The following KCTD1 variants were observed in gnomAD, a reference collection of about 807,000 sequenced individuals.
KCTD1 encodes BTB/POZ domain-containing protein KCTD1.
In KCTD1, 24 loss-of-function variants were observed where a neutral mutation model predicts 66.0. That is an observed-to-expected ratio of 0.36 (90% CI 0.26 to 0.51). KCTD1 has a LOEUF of 0.51. Ranked by LOEUF, KCTD1 falls within the 20% of genes least tolerant of loss-of-function variation. KCTD1 has a pLI of 0.95. For missense variants in KCTD1, 943 were observed against 1,205.2 expected (o/e 0.78, Z 3.22); for synonymous variants, 511 against 517.2 (o/e 0.99, Z 0.16).
intron 1 of KCTD1, among the ~76,000 whole-genome samples, chr18:26,531,799 C>T (rs1984445625): frequency 6.6e-6 from 1 of 152,176 alleles, no homozygotes; most frequent in Non-Finnish European, 1.5e-5. Flanking sequence ...GATCAGGATA[C>T]GGTTTAGCTG....
At chr18:26,487,619 A>AAT (rs1288528270) in intron 2 of KCTD1, among the ~76,000 whole-genome samples, 1 of 152,214 alleles carries the variant, frequency 6.6e-6, no homozygotes, top group Non-Finnish European at 1.5e-5. Context: ...GTGGTTGGGA[A>AAT]ATACCCAAGA....
intron 1 of KCTD1, among the ~76,000 whole-genome samples, chr18:26,576,068 G>C (rs1986218694): frequency 6.6e-6 from 1 of 152,104 alleles, no homozygotes; most frequent in African/African-American, 2.4e-5. Flanking sequence ...AGATAGCATC[G>C]CCTCCAGGAA....
chr18:26,599,828 C>T (rs1436884662), intron 1 of KCTD1: 2 of 1,558,224 alleles, frequency 1.3e-6, no homozygotes, highest in Non-Finnish European at 1.8e-6. Flanking sequence ...GAAATACAGT[C>T]TGTTCGAGAA....
At chr18:26,548,954 G>T (rs1020249799), upstream of KCTD1, 2 of 986,178 alleles carry the variant, frequency 2.0e-6, no homozygotes, top group African/African-American at 1.7e-5. Flanking sequence ...AGGGCGGGAC[G>T]GTCTCGTTTC....
intron 2 of KCTD1, among the ~76,000 whole-genome samples, chr18:26,492,086 T>A (rs1323311848): frequency 6.6e-6 from 1 of 151,896 alleles, no homozygotes; most frequent in Non-Finnish European, 1.5e-5. Context: ...TACAAAAACA[T>A]AAAAAATTAG....
At chr18:26,568,773 A>G (rs1986039712) in intron 1 of KCTD1, among the ~76,000 whole-genome samples, 2 of 152,234 alleles carry the variant, frequency 1.3e-5, no homozygotes, top group African/African-American at 4.8e-5. Context: ...TTTGATACCC[A>G]GCTTTGTACA....
intron 1 of KCTD1, among the ~76,000 whole-genome samples, chr18:26,595,416 C>T (rs1986743436): frequency 6.6e-6 from 1 of 152,182 alleles, no homozygotes; most frequent in Non-Finnish European, 1.5e-5. Flanking sequence ...ATAAAGATCA[C>T]ATTTTCTAGT....
chr18:26,588,947 T>G (rs1001628556), intron 1 of KCTD1, among the ~76,000 whole-genome samples: 1 of 152,168 alleles, frequency 6.6e-6, no homozygotes. Context: ...TTGGCTTACT[T>G]AAGCATGAAC....
intron 1 of KCTD1, among the ~76,000 whole-genome samples, chr18:26,599,254 T>C: frequency 6.6e-6 from 1 of 152,224 alleles, no homozygotes; most frequent in East Asian, 1.9e-4. Flanking sequence ...CCAGCAAAAG[T>C]TGTTGAAAAG....
At chr18:26,625,803 T>C (rs1568013626) in intron 1 of KCTD1, among the ~76,000 whole-genome samples, 2 of 152,080 alleles carry the variant, frequency 1.3e-5, no homozygotes, top group Non-Finnish European at 2.9e-5. Flanking sequence ...GCCTCTCTGG[T>C]CCCCCTTCCT....
intron 1 of KCTD1, among the ~76,000 whole-genome samples, chr18:26,526,632 A>C (rs1156686964): frequency 6.6e-6 from 1 of 152,236 alleles, no homozygotes; most frequent in East Asian, 1.9e-4. Context: ...CCCAAGGCAC[A>C]CGGAAAGGGG....
intron 2 of KCTD1, among the ~76,000 whole-genome samples, chr18:26,498,596 G>A (rs1006194555): frequency 6.6e-6 from 1 of 151,222 alleles, no homozygotes; most frequent in African/African-American, 2.4e-5. Context: ...ACATTTTTTT[G>A]GTACTAGGTC....
At chr18:26,643,744 C>CG (rs1430821544), upstream of KCTD1, among the ~76,000 whole-genome samples, 3 of 152,160 alleles carry the variant, frequency 2.0e-5, no homozygotes, top group South Asian at 6.2e-4. Flanking sequence ...GGGCATATCA[C>CG]GAGGTCAGGA....
At chr18:26,479,421 C>A (rs944738707) in intron 2 of KCTD1, among the ~76,000 whole-genome samples, 5 of 152,232 alleles carry the variant, frequency 3.3e-5, no homozygotes, top group Non-Finnish European at 7.3e-5. Context: ...GCAGACCCCC[C>A]GCCAGGCCGT....
intron 1 of KCTD1, among the ~76,000 whole-genome samples, chr18:26,605,585 T>C (rs897543436): frequency 2.6e-5 from 4 of 152,144 alleles, no homozygotes; most frequent in African/African-American, 9.7e-5. Flanking sequence ...CTTCCAAGTT[T>C]CATTCATGAC....
chr18:26,638,369 T>A (rs951344776), intron 1 of KCTD1, among the ~76,000 whole-genome samples: 1 of 152,114 alleles, frequency 6.6e-6, no homozygotes, highest in Non-Finnish European at 1.5e-5. Flanking sequence ...AAAATACAAC[T>A]GCAAAACTAT....
chr18:26,588,399 C>G (rs755231779), intron 1 of KCTD1, among the ~76,000 whole-genome samples: 1 of 152,054 alleles, frequency 6.6e-6, no homozygotes, highest in Non-Finnish European at 1.5e-5. Flanking sequence ...TTTTTAGGAA[C>G]CCCCGGGGTC....
chr18:26,467,132 GTTTGT>G (rs1980777352), intron 3 of KCTD1, among the ~76,000 whole-genome samples: 1 of 138,706 alleles, frequency 7.2e-6, no homozygotes, highest in African/African-American at 3.2e-5. Flanking sequence ...ATACGGTATA[GTTTGT>G]TTTTTTTTTT....
chr18:26,458,000 G>GTGAT (rs1255952390), intron 4 of KCTD1: 2 of 152,392 alleles, frequency 1.3e-5, no homozygotes, highest in Non-Finnish European at 2.9e-5. Context: ...GTCTGCTCCA[G>GTGAT]TGATAGCCAG....
Sources: allele counts gnomAD v4.1 joint callset (sites outside exome capture counted in the v4.1 genomes callset), GRCh38; gene constraint gnomAD v4.1.1; transcripts MANE v1.5; gene names NCBI Gene and HGNC (gene_info 2026-07-23, HGNC 2026-07-21).